ARPC2: variants seen among roughly 807,000 people sequenced by gnomAD.
ARPC2 encodes actin-related protein 2/3 complex subunit 2.
A neutral mutation model predicts 38.6 loss-of-function variants in ARPC2; 4 were observed. The ratio of observed to expected loss-of-function variants is 0.10; its 90% CI spans 0.05 to 0.24. ARPC2 has a LOEUF of 0.24. ARPC2 is among the 10% of genes least tolerant of loss of function. The pLI is 1.00. For synonymous variants in ARPC2, 125 were observed against 140.8 expected (o/e 0.89, Z 0.79); for missense variants, 229 against 387.3 (o/e 0.59, Z 3.43).
chr2:218,228,237 T>C (rs944213653), intron 3 of ARPC2, among the ~76,000 whole-genome samples: 2 of 152,042 alleles, frequency 1.3e-5, no homozygotes, highest in Admixed American at 1.3e-4. Context: ...ACCCCGTCTG[T>C]ACTAAAAATA....
rs1023934501 is a variant in ARPC2, at chr2:218,249,734, G to C, written c.778-87G>C. 1.2e-5 allele frequency: 16 copies of C among 1,305,518 alleles called. No homozygotes were observed. The Admixed American group carries it at 3.5e-4, about 28-fold the overall frequency. 80.9% of individuals were successfully genotyped at this position (1,305,518 alleles called of 1,614,324 possible). On this transcript the variant is annotated intron_variant, in intron 9 of 10. Coordinates refer to ENST00000315717, the MANE Select transcript of ARPC2 (RefSeq NM_152862.3). ...AATCCCAGGGTGTATGTTCCCAACC[G>C]CCCTTGATGACCTCTCTGATGAAAG...
At chr2:218,247,942 CA>C (rs1690087099) in intron 8 of ARPC2, among the ~76,000 whole-genome samples, 1 of 56,518 alleles carries the variant, frequency 1.8e-5, no homozygotes. Context: ...GACTCCGTCT[CA>C]AAAAAAATTA....
intron 8 of ARPC2, 141 bp from the exon 9 acceptor site, chr2:218,249,222 AC>A (rs1690121340): frequency 3.3e-6 from 2 of 606,776 alleles, no homozygotes; most frequent in African/African-American, 3.9e-5. Flanking sequence ...TCAAGAAAAA[AC>A]CCTGACAAAG....
intron 8 of ARPC2, among the ~76,000 whole-genome samples, chr2:218,246,735 C>A (rs756975232): frequency 6.6e-6 from 1 of 151,998 alleles, no homozygotes; most frequent in Non-Finnish European, 1.5e-5. Flanking sequence ...CTTTAAGAGG[C>A]CAAGGCGAGC....
chr2:218,217,591 C>T (rs768044414), intron 2 of ARPC2, 47 bp downstream of exon 2: 8 of 1,548,410 alleles, frequency 5.2e-6, no homozygotes, highest in Non-Finnish European at 6.2e-6. Flanking sequence ...GCAGAGTTGA[C>T]CCCAGCTAAT....
chr2:218,246,043 G>C (rs1248279737), intron 8 of ARPC2, among the ~76,000 whole-genome samples: 4 of 152,004 alleles, frequency 2.6e-5, no homozygotes, highest in Admixed American at 2.6e-4. Context: ...GTGAAACTCT[G>C]TCTCTACTAA....
intron 2 of ARPC2, among the ~76,000 whole-genome samples, chr2:218,224,736 A>G (rs1171643508): frequency 6.6e-6 from 1 of 152,128 alleles, no homozygotes; most frequent in Non-Finnish European, 1.5e-5. Context: ...GCTTTGTATG[A>G]TTCGTATAGG....
At chr2:218,248,620 G>A (rs1014050961) in intron 8 of ARPC2, among the ~76,000 whole-genome samples, 1 of 152,148 alleles carries the variant, frequency 6.6e-6, no homozygotes, top group African/African-American at 2.4e-5. Flanking sequence ...GCCATCACAT[G>A]TGGCTAATTT....
intron 2 of ARPC2, 80 bp downstream of exon 2, chr2:218,217,624 A>C: frequency 1.4e-6 from 2 of 1,406,144 alleles, no homozygotes; most frequent in Non-Finnish European, 2.0e-6. Flanking sequence ...CCAGTCCCCC[A>C]GACCTGGAGG....
intron 4 of ARPC2, 176 bp from the exon 5 acceptor site, chr2:218,234,176 A>T: frequency 1.9e-6 from 1 of 535,806 alleles, no homozygotes; most frequent in Non-Finnish European, 3.3e-6. Context: ...CAGTTTTGTG[A>T]CTTGTTTGGT....
At chr2:218,222,287 G>C (rs1444794218) in intron 2 of ARPC2, among the ~76,000 whole-genome samples, 3 of 151,830 alleles carry the variant, frequency 2.0e-5, no homozygotes, top group Non-Finnish European at 4.4e-5. Flanking sequence ...AAAAAAATGG[G>C]GAATTGGATC....
intron 8 of ARPC2, among the ~76,000 whole-genome samples, chr2:218,248,947 CAAGGACCT>C (rs1156554605): frequency 6.6e-6 from 1 of 152,314 alleles, no homozygotes. Context: ...ATTTCAGCAC[CAAGGACCT>C]AAGACAGGCA....
At position 218,254,047 on chromosome 2, in the gene ARPC2, G is replaced by T; in HGVS notation, c.*132G>T. ...TCCGTTTTGGTTCCATTTTGTACACGTTTGGAAAATAATCTGCAGAAACGA... is the reference window on the plus strand; with the variant it reads ...TCCGTTTTGGTTCCATTTTGTACACTTTTGGAAAATAATCTGCAGAAACGA... On this transcript the variant is annotated 3_prime_UTR_variant, in exon 11 of 11. Transcript: ENST00000315717. 8.4e-7 allele frequency: 1 copy of T among 1,184,134 alleles called. No homozygotes were observed. The highest frequency in any genetic ancestry group is 1.2e-6 in the Non-Finnish European group (1 of 833,218). The allele number at this position is 1,184,134 out of a possible 1,614,324, so 73.4% of individuals were successfully genotyped here.
intron 6 of ARPC2, 28 bp from the exon 7 acceptor site, chr2:218,239,363 T>A (rs114702968): frequency 6.5e-7 from 1 of 1,527,322 alleles, no homozygotes; most frequent in African/African-American, 1.4e-5. Context: ...GATTCTGTAC[T>A]TATCCTCATG....
chr2:218,248,894 A>G (rs540647650), intron 8 of ARPC2, among the ~76,000 whole-genome samples: 1 of 152,196 alleles, frequency 6.6e-6, no homozygotes, highest in African/African-American at 2.4e-5. Context: ...CAGTGAGAAT[A>G]TGGGAAATTC....
chr2:218,226,668 C>G (rs972636814), intron 3 of ARPC2, among the ~76,000 whole-genome samples: 2 of 143,764 alleles, frequency 1.4e-5, no homozygotes, highest in African/African-American at 5.1e-5. Context: ...ATTTTGGATA[C>G]TGTCCCTCAT....
At chr2:218,218,742 G>A (rs1330870247) in intron 2 of ARPC2, among the ~76,000 whole-genome samples, 8 of 152,330 alleles carry the variant, frequency 5.3e-5, no homozygotes, top group African/African-American at 1.9e-4. Flanking sequence ...GCATTAGAAA[G>A]TATTAACTGC....
intron 8 of ARPC2, 125 bp downstream of exon 8, chr2:218,245,671 C>T (rs1690014488): frequency 3.0e-6 from 4 of 1,318,028 alleles, no homozygotes; most frequent in Non-Finnish European, 4.2e-6. Context: ...CAACTTGTTC[C>T]TGTTGCCATT....
At chr2:218,234,533 C>T (rs1254871457) in intron 5 of ARPC2, 136 bp downstream of exon 5, 2 of 746,966 alleles carry the variant, frequency 2.7e-6, no homozygotes, top group Non-Finnish European at 4.3e-6. Flanking sequence ...CTAATTTCAA[C>T]TCCGTCCATA....
Sources: gnomAD v4.1 joint callset for allele counts (sites outside exome capture counted in the v4.1 genomes callset) on GRCh38, gnomAD v4.1.1 for gene constraint, MANE v1.5 for transcripts, NCBI Gene and HGNC (gene_info 2026-07-23, HGNC 2026-07-21) for gene names.